The following OMA1 variants were observed in gnomAD, a reference collection of about 807,000 sequenced individuals.
OMA1 encodes metalloendopeptidase OMA1, mitochondrial.
Under a neutral mutation model 30.9 loss-of-function variants are expected in OMA1, and 38 were observed. That is an observed-to-expected ratio of 1.23 (90% CI 0.95 to 1.61). The LOEUF (loss-of-function observed/expected upper bound fraction) is 1.61. Among genes scored for constraint, OMA1 ranks in the 40% most tolerant of loss-of-function variants. The pLI is 0.00. For synonymous variants in OMA1, 173 were observed against 121.9 expected, an observed-to-expected ratio of 1.42 and a Z score of -2.76; for missense variants, 461 against 349.2, an observed-to-expected ratio of 1.32 and a Z score of -2.55.
At chr1:58,500,098 T>C (rs1001213597) in intron 8 of OMA1, among the ~76,000 whole-genome samples, 2 of 152,170 alleles carry the variant, frequency 1.3e-5, no homozygotes, top group African/African-American at 2.4e-5. Flanking sequence ...TTCTAAAATA[T>C]CATTACTTTC....
At chr1:58,495,459 T>C (rs1428122595) in intron 8 of OMA1, among the ~76,000 whole-genome samples, 1 of 152,142 alleles carries the variant, frequency 6.6e-6, no homozygotes, top group East Asian at 1.9e-4. Flanking sequence ...ATTTAGTTTC[T>C]CATGCCACTT....
chr1:58,488,826 T>C (rs1024090445), intron 8 of OMA1, among the ~76,000 whole-genome samples: 1 of 152,276 alleles, frequency 6.6e-6, no homozygotes, highest in Non-Finnish European at 1.5e-5. Context: ...ATACGTCTTA[T>C]GCCTTTGCAT....
chr1:58,491,667 A>G (rs1157377539), intron 8 of OMA1, among the ~76,000 whole-genome samples: 1 of 152,226 alleles, frequency 6.6e-6, no homozygotes, highest in African/African-American at 2.4e-5. Flanking sequence ...AGAGACAAAG[A>G]AGGCCACTAC....
At chr1:58,487,790 C>T (rs961896136) in intron 8 of OMA1, among the ~76,000 whole-genome samples, 1 of 152,256 alleles carries the variant, frequency 6.6e-6, no homozygotes. Flanking sequence ...TCCCCTCCCC[C>T]CTCAACACAC....
intron 7 of OMA1, among the ~76,000 whole-genome samples, chr1:58,511,901 A>G (rs1230380679): frequency 1.3e-5 from 2 of 152,180 alleles, no homozygotes; most frequent in Non-Finnish European, 2.9e-5. Context: ...ACGGGAAACA[A>G]AAGGCAAAAA....
At chr1:58,500,159 C>T (rs1473822720) in intron 8 of OMA1, among the ~76,000 whole-genome samples, 7 of 152,130 alleles carry the variant, frequency 4.6e-5, no homozygotes, top group Non-Finnish European at 1.0e-4. Flanking sequence ...ATTTCAGCCT[C>T]AAGTAGATAC....
Position 58,539,261 on chromosome 1 carries a change from T to A in OMA1, c.34A>T (p.Arg12Ter). The A allele has an allele frequency of 1.2e-6, 1 of 866,892 alleles. No homozygotes were observed. The highest frequency in any genetic ancestry group is 2.0e-6 in the Non-Finnish European group (1 of 499,914). 53.7% of individuals were successfully genotyped at this position (866,892 alleles called of 1,614,324 possible). A position where few individuals can be genotyped will look rare whatever the true frequency, so the allele number is the denominator to read the frequency against. Residue 12 changes from arginine to a stop codon, truncating the protein, a stop_gained, in exon 2 of 9, where the codon AGA (arginine) becomes TGA (stop). Coordinates refer to ENST00000371226, the MANE Select transcript of OMA1 (RefSeq NM_145243.5). LOFTEE classifies it high-confidence loss of function. ...TTAAATCGGAAGAAAACATGGTTTCTAGCAGCAGACTGCAATCCACAGATG... is the reference window on the plus strand; with the variant it reads ...TTAAATCGGAAGAAAACATGGTTTCAAGCAGCAGACTGCAATCCACAGATG... Reference protein sequence around the residue: ...SFICGLQSAARNHVFFRFNSL... With the variant: ...SFICGLQSAA
intron 8 of OMA1, among the ~76,000 whole-genome samples, chr1:58,484,743 T>C (rs1645545658): frequency 6.6e-6 from 1 of 152,124 alleles, no homozygotes; most frequent in Non-Finnish European, 1.5e-5. Flanking sequence ...AAGAAGAAAT[T>C]AGCTATCAAG....
chr1:58,538,458 C>A (rs188328561), intron 2 of OMA1, among the ~76,000 whole-genome samples: 163 of 152,130 alleles, frequency 1.1e-3, no homozygotes, highest in African/African-American at 3.9e-3. Context: ...CACTTCTGAT[C>A]CATATATCCT....
At position 58,481,694 on chromosome 1, in the gene OMA1, CCA is replaced by C. The variant is rs1432181912; in HGVS notation, c.1366-522_1366-521del. Among the ~76,000 whole-genome samples, 5 of 147,292 alleles carry C rather than the reference CCA, an allele frequency of 3.4e-5. No homozygotes were observed. The Admixed American group carries it at 3.6e-4, about 11-fold the overall frequency. ...TCTTGAATTGCAGTTCCCATAATTCCCACATGTCATGGGAGGTAACTGAATCA... is the reference window on the plus strand; with the variant it reads ...TCTTGAATTGCAGTTCCCATAATTCCCATGTCATGGGAGGTAACTGAATCA... On this transcript the variant is annotated intron_variant, in intron 8 of 8. Transcript: ENST00000371226.
At chr1:58,502,390 C>G (rs766153010) in intron 8 of OMA1, among the ~76,000 whole-genome samples, 1 of 152,296 alleles carries the variant, frequency 6.6e-6, no homozygotes, top group Admixed American at 6.5e-5. Flanking sequence ...TCACTTCCTA[C>G]GTGAACTCAT....
At chr1:58,487,631 C>G (rs1645598011) in intron 8 of OMA1, among the ~76,000 whole-genome samples, 1 of 152,090 alleles carries the variant, frequency 6.6e-6, no homozygotes, top group African/African-American at 2.4e-5. Flanking sequence ...TATTATGACT[C>G]TATGGGTTCT....
intron 6 of OMA1, among the ~76,000 whole-genome samples, chr1:58,528,500 T>C (rs955915071): frequency 1.3e-5 from 2 of 152,198 alleles, no homozygotes; most frequent in African/African-American, 2.4e-5. Context: ...TAGTGTGATT[T>C]TGTCCTCCAG....
In OMA1 at chr1:58,540,669, T is replaced by C. The variant is rs150380914; in HGVS notation, c.-16-1359A>G. Among the ~76,000 whole-genome samples, 214 of 148,766 alleles carry C rather than the reference T, an allele frequency of 1.4e-3. 1 individual carries two copies. Among genetic ancestry groups the C allele is most frequent in the Middle Eastern group, 3.4e-3 (1 of 292 alleles). On this transcript the variant is annotated intron_variant, in intron 1 of 8. Coordinates refer to ENST00000371226, the MANE Select transcript of OMA1 (RefSeq NM_145243.5). The stretch of plus-strand genomic sequence containing the variant: ...AAAGATTTGTGACTTTGAAGACGTA[T>C]CAATAGAAACCATCTAAAATGAAAT...
intron 2 of OMA1, among the ~76,000 whole-genome samples, chr1:58,537,691 A>C (rs944180797): frequency 6.6e-6 from 1 of 152,204 alleles, no homozygotes; most frequent in Admixed American, 6.5e-5. Flanking sequence ...TTTATTTTAC[A>C]AATTCTTAAA....
chr1:58,506,335 G>A (rs920755330), intron 7 of OMA1, 126 bp from the exon 8 acceptor site: 18 of 580,100 alleles, frequency 3.1e-5, no homozygotes, highest in Admixed American at 1.5e-4. Context: ...TGTGCACAAC[G>A]TGCAGGTTTG....
intron 8 of OMA1, among the ~76,000 whole-genome samples, chr1:58,484,263 G>A (rs1461979717): frequency 2.0e-5 from 3 of 152,104 alleles, no homozygotes; most frequent in African/African-American, 7.2e-5. Context: ...AAATTACCCT[G>A]CTATAAAAAC....
intron 2 of OMA1, among the ~76,000 whole-genome samples, chr1:58,536,949 A>G (rs72672238): frequency 0.048 from 7,314 of 152,186 alleles, 223 homozygotes; most frequent in African/African-American, 0.063. Flanking sequence ...AAAAAATTCT[A>G]ATACTCATCG....
chr1:58,498,794 T>G (rs551935861), intron 8 of OMA1, among the ~76,000 whole-genome samples: 36 of 151,644 alleles, frequency 2.4e-4, no homozygotes, highest in Non-Finnish European at 4.4e-4. Context: ...TGATTTCATC[T>G]TTTAAAAAAA....
Sources: allele counts gnomAD v4.1 joint callset (sites outside exome capture counted in the v4.1 genomes callset), GRCh38; gene constraint gnomAD v4.1.1; transcripts MANE v1.5; gene names NCBI Gene and HGNC (gene_info 2026-07-23, HGNC 2026-07-21).